Variants in PICALM observed in about 807,000 individuals in gnomAD.
The protein encoded by PICALM is phosphatidylinositol binding clathrin assembly protein.
Under a neutral mutation model 80.5 loss-of-function variants are expected in PICALM, and 40 were observed. The observed-to-expected ratio is 0.50, with a 90% CI of 0.39 to 0.65. The LOEUF (loss-of-function observed/expected upper bound fraction) is 0.65. Ranked by LOEUF, PICALM falls within the 30% of genes least tolerant of loss-of-function variation. PICALM has a pLI of 0.00. For missense variants in PICALM, 676 were observed against 778.9 expected (o/e 0.87, Z 1.57); for synonymous variants, 288 against 260.3 (o/e 1.11, Z -1.02).
intron 13 of PICALM, among the ~76,000 whole-genome samples, chr11:85,989,267 A>G (rs920103200): frequency 6.6e-6 from 1 of 152,210 alleles, no homozygotes; most frequent in Non-Finnish European, 1.5e-5. Context: ...CTATTAGACT[A>G]GTCATATTTT....
intron 4 of PICALM, among the ~76,000 whole-genome samples, chr11:86,020,590 G>A (rs2095548671): frequency 6.6e-6 from 1 of 152,164 alleles, no homozygotes; most frequent in Admixed American, 6.5e-5. Context: ...TACATTTATG[G>A]TCAACTCATC....
chr11:86,011,171 A>T (rs1201064758), intron 6 of PICALM, 35 bp from the exon 7 acceptor site: 1 of 928,744 alleles, frequency 1.1e-6, no homozygotes, highest in African/African-American at 1.7e-5. Flanking sequence ...TTTTGTTCAC[A>T]TCAAAATATA....
chr11:86,001,289 C>G, intron 9 of PICALM, 131 bp from the exon 10 acceptor site: 1 of 803,166 alleles, frequency 1.2e-6, no homozygotes, highest in Non-Finnish European at 2.0e-6. Context: ...GGATTCAAAT[C>G]CAGTACTTCA....
rs1314970820 is a variant in PICALM at position 85,983,984 on chromosome 11, CA to C, written c.1409-12del. 5 of 1,321,600 alleles carry C rather than the reference CA, an allele frequency of 3.8e-6. No homozygotes were observed. The highest frequency in any genetic ancestry group is 4.3e-6 in the Non-Finnish European group (4 of 925,872). The allele number at this position is 1,321,600 out of a possible 1,614,324, so 81.9% of individuals were successfully genotyped here. A position where few individuals can be genotyped will look rare whatever the true frequency, so the allele number is the denominator to read the frequency against. On this transcript the variant is annotated splice_polypyrimidine_tract_variant and intron_variant, in intron 13 of 19. Coordinates refer to ENST00000393346, the MANE Select transcript of PICALM (RefSeq NM_007166.4). The stretch of plus-strand genomic sequence containing the variant: ...GAGAAGGAGTGAATCCTGAGTAAAC[CA>C]AAATGGAAAAAAGCTCAATTATTTA...
intron 6 of PICALM, 87 bp from the exon 7 acceptor site, chr11:86,011,223 T>C (rs559285158): frequency 6.3e-6 from 4 of 631,462 alleles, no homozygotes; most frequent in Admixed American, 3.1e-5. Flanking sequence ...TAGCTCCAAA[T>C]AGGTCTCTAA....
At position 85,981,198 on chromosome 11, in the gene PICALM, C is replaced by T. The variant is rs1412981874; in HGVS notation, c.1710G>A (p.Lys570=). The T allele has an allele frequency of 6.2e-7, 1 of 1,602,768 alleles. No homozygotes were observed. The highest frequency in any genetic ancestry group is 8.5e-7 in the Non-Finnish European group (1 of 1,169,766). The change falls in exon 17 of 20, where the codon AAG becomes AAA. Residue 570 remains lysine, a synonymous_variant. Transcript: ENST00000393346. ...NDVNWSQPGE[K]KLTGGSNWQP... ...GCCAGTTAGATCCCCCAGTTAACTT[C>T]TTTTCACCTGGTTGACTCCAATTTA...
intron 1 of PICALM, among the ~76,000 whole-genome samples, chr11:86,065,619 A>C (rs2096436449): frequency 1.3e-5 from 2 of 152,284 alleles, no homozygotes; most frequent in South Asian, 2.1e-4. Context: ...AAGTTCTTCA[A>C]ATATAAGGGC....
At chr11:86,039,415 A>G (rs1308995322) in intron 1 of PICALM, among the ~76,000 whole-genome samples, 2 of 149,788 alleles carry the variant, frequency 1.3e-5, no homozygotes, top group East Asian at 1.9e-4. Context: ...AAAAAAATAA[A>G]TTAAAATAAA....
intron 12 of PICALM, among the ~76,000 whole-genome samples, chr11:85,995,386 A>G (rs2094927010): frequency 6.6e-6 from 1 of 152,222 alleles, no homozygotes; most frequent in Admixed American, 6.5e-5. Flanking sequence ...AATGTCTTAT[A>G]ACAGGACATA....
chr11:85,967,807 T>C (rs566199871), intron 19 of PICALM, among the ~76,000 whole-genome samples: 41 of 152,232 alleles, frequency 2.7e-4, no homozygotes, highest in Non-Finnish European at 5.7e-4. Context: ...AGGCTTTTTC[T>C]AAGACTTAAA....
intron 1 of PICALM, among the ~76,000 whole-genome samples, chr11:86,058,221 C>T (rs1454540620): frequency 6.6e-6 from 1 of 152,164 alleles, no homozygotes; most frequent in Non-Finnish European, 1.5e-5. Flanking sequence ...ATTACCAGCA[C>T]ATAAAATTTT....
intron 1 of PICALM, among the ~76,000 whole-genome samples, chr11:86,038,576 T>G (rs2095884988): frequency 1.3e-5 from 2 of 149,302 alleles, no homozygotes; most frequent in African/African-American, 5.0e-5. Flanking sequence ...AGGTCAGGAG[T>G]TCAAGACCAG....
At chr11:86,003,312 T>C (rs1421171888) in intron 9 of PICALM, 54 bp downstream of exon 9, 2 of 1,025,760 alleles carry the variant, frequency 1.9e-6, no homozygotes, top group Non-Finnish European at 3.0e-6. Context: ...GCTGGTTTCA[T>C]CTACTGCCTC....
intron 8 of PICALM, 177 bp from the exon 9 acceptor site, chr11:86,003,628 T>G: frequency 2.5e-6 from 1 of 403,580 alleles, no homozygotes; most frequent in Non-Finnish European, 4.4e-6. Context: ...TATACAAACG[T>G]GACCTAGTTG....
intron 5 of PICALM, among the ~76,000 whole-genome samples, chr11:86,012,668 A>C (rs1461739213): frequency 6.6e-6 from 1 of 152,198 alleles, no homozygotes; most frequent in African/African-American, 2.4e-5. Context: ...TCAAGGAATA[A>C]ATCAAAAAGA....
chr11:86,041,959 C>A (rs2137067370), intron 1 of PICALM, among the ~76,000 whole-genome samples: 1 of 152,104 alleles, frequency 6.6e-6, no homozygotes, highest in East Asian at 1.9e-4. Flanking sequence ...AGTTGTTCCT[C>A]CCCCCTCCTC....
At chr11:85,974,028 C>G (rs72951246) in intron 19 of PICALM, among the ~76,000 whole-genome samples, 44 of 151,802 alleles carry the variant, frequency 2.9e-4, no homozygotes, top group Admixed American at 2.7e-3. Flanking sequence ...TATCTTCTAA[C>G]CGTAACGGGT....
At chr11:85,991,268 T>G (rs2094767569) in intron 12 of PICALM, among the ~76,000 whole-genome samples, 1 of 152,188 alleles carries the variant, frequency 6.6e-6, no homozygotes, top group African/African-American at 2.4e-5. Flanking sequence ...ATTTTTTCTT[T>G]GTAACATAAT....
intron 8 of PICALM, among the ~76,000 whole-genome samples, chr11:86,006,577 G>T (rs1380258030): frequency 1.3e-5 from 2 of 152,196 alleles, no homozygotes; most frequent in African/African-American, 4.8e-5. Context: ...AACCCAGGAA[G>T]CGGAGGTTGC....
Sources: allele counts gnomAD v4.1 joint callset (sites outside exome capture counted in the v4.1 genomes callset), GRCh38; gene constraint gnomAD v4.1.1; transcripts MANE v1.5; gene names NCBI Gene and HGNC (gene_info 2026-07-23, HGNC 2026-07-21).